AXIN1: variants seen among roughly 807,000 people sequenced by gnomAD.
AXIN1 encodes the protein axin 1, also known as axin-1.
Under a neutral mutation model 76.4 loss-of-function variants are expected in AXIN1, and 30 were observed. The ratio of observed to expected loss-of-function variants is 0.39; its 90% CI spans 0.29 to 0.53. AXIN1 has a LOEUF of 0.53. Among genes scored for constraint, AXIN1 ranks in the 20% least tolerant of loss-of-function variants. The pLI, the probability that AXIN1 is intolerant of heterozygous loss-of-function variation, is 0.66. For synonymous variants in AXIN1, 545 were observed against 501.4 expected (o/e 1.09, Z -1.16); for missense variants, 1,140 against 1,198.8 (o/e 0.95, Z 0.72).
chr16:337,837 G>A (rs1396356642), intron 2 of AXIN1, among the ~76,000 whole-genome samples: 2 of 152,272 alleles, frequency 1.3e-5, no homozygotes, highest in African/African-American at 2.4e-5. Context: ...TCAGCCGGGC[G>A]TGCGGCCTCT....
In AXIN1 at chr16:346,504, C is replaced by A. The variant is rs765934562; in HGVS notation, c.522G>T (p.Lys174Asn). The A allele has an allele frequency of 6.2e-7, 1 of 1,614,202 alleles. No homozygotes were observed. Among genetic ancestry groups the A allele is most frequent in the Non-Finnish European group, 8.5e-7 (1 of 1,180,034 alleles). Reference sequence around the variant, plus strand: ...CAAACATGGCAGGATCGATCAGCTGCTTCATGATGCAGCCCTTTATGAAGC... The same window carrying A: ...CAAACATGGCAGGATCGATCAGCTGATTCATGATGCAGCCCTTTATGAAGC... ...TKSFIKGCIM[K>N]QLIDPAMFDQ... is the part of the protein sequence containing the mutation. The change falls in exon 2 of 11, where the codon AAG becomes AAT. Residue 174 changes from lysine to asparagine, a missense_variant. Physicochemically the swap from Lys to Asn is moderately conservative, Grantham distance 94. Around this residue, in one of 3 missense-constraint regions of AXIN1, gnomAD observed 708 missense variants for 776.9 expected, o/e 0.91. Transcript: ENST00000262320.
chr16:349,011 T>C (rs1362038247), intron 1 of AXIN1, among the ~76,000 whole-genome samples: 1 of 150,848 alleles, frequency 6.6e-6, no homozygotes, highest in Non-Finnish European at 1.5e-5. Context: ...CGTGGGAGAA[T>C]GGCATGAACC....
chr16:323,438 C>CA (rs57234697), intron 2 of AXIN1, among the ~76,000 whole-genome samples: 31,891 of 77,070 alleles, frequency 0.41, 5,282 homozygotes, highest in South Asian at 0.5. Context: ...GACTCCGTCT[C>CA]AAAAAAAAAA....
chr16:296,518 C>T (rs560138260), intron 7 of AXIN1, among the ~76,000 whole-genome samples: 91 of 152,298 alleles, frequency 6.0e-4, no homozygotes, highest in Non-Finnish European at 1.0e-3. Context: ...ACACCAAGAC[C>T]GGCCCGGCGG....
At chr16:309,460 C>CAGTA (rs772496476) in intron 4 of AXIN1, among the ~76,000 whole-genome samples, 3 of 152,212 alleles carry the variant, frequency 2.0e-5, no homozygotes, top group Non-Finnish European at 4.4e-5. Context: ...GCTCCATGAC[C>CAGTA]TACTGCCCAG....
chr16:287,834 G>C lies in AXIN1; in HGVS notation c.*288C>G, dbSNP rs1024008534. The C allele has an allele frequency of 7.6e-6, 4 of 528,484 alleles. No individual in the cohort carries two copies. Among genetic ancestry groups the C allele is most frequent in the Middle Eastern group, 5.2e-4 (1 of 1,924 alleles). The allele number at this position is 528,484 out of a possible 1,614,324, so 32.7% of individuals were successfully genotyped here. A position where few individuals can be genotyped will look rare whatever the true frequency, so the allele number is the denominator to read the frequency against. ...AAGGGAGGTGCCGGGGGATGGGGGG[G>C]GGTCACCTGAAGCTGGCAGCAGGGA... is the stretch of plus-strand genomic sequence containing the variant. On this transcript the variant is annotated 3_prime_UTR_variant, in exon 11 of 11. Coordinates refer to ENST00000262320, the MANE Select transcript of AXIN1 (RefSeq NM_003502.4).
In AXIN1 at chr16:291,007, G is replaced by A. The variant is rs1472924635; in HGVS notation, c.2294+183C>T. On this transcript the variant is annotated intron_variant, in intron 9 of 10. Transcript: ENST00000262320. Reference sequence around the variant, plus strand: ...CTGGACAGTCAGCGTCTCCTTTGATGGAGACAGGAGAAGGCTCTCGGGCAG... The same window carrying A: ...CTGGACAGTCAGCGTCTCCTTTGATAGAGACAGGAGAAGGCTCTCGGGCAG... The A allele has an allele frequency of 2.1e-5, 14 of 665,522 alleles. No individual in the cohort carries two copies. In the East Asian group the frequency reaches 2.7e-4, roughly 13 times the overall value. The allele number at this position is 665,522 out of a possible 1,614,324, so 41.2% of individuals were successfully genotyped here.
chr16:309,916 C>T (rs2053129185), intron 4 of AXIN1, 57 bp downstream of exon 4: 1 of 1,563,926 alleles, frequency 6.4e-7, no homozygotes, highest in Non-Finnish European at 8.8e-7. Context: ...ACCAGTTCAC[C>T]AGGCCCACGC....
At position 293,014 on chromosome 16, in the gene AXIN1, T is replaced by C. The variant is rs1264640147; in HGVS notation, c.2186+474A>G. The stretch of plus-strand genomic sequence containing the variant: ...GTGGGCTGGACGTCCAGGACGACAC[T>C]TCTACATCTGCACGGCTTTCAGAAC... On this transcript the variant is annotated intron_variant, in intron 8 of 10. Transcript: ENST00000262320. The surrounding 1 kb of genome is among the most constrained non-coding windows in gnomAD (Gnocchi z 4.6). The C allele has an allele frequency of 1.1e-5, 2 of 180,898 alleles. No individual in the cohort carries two copies. The highest frequency in any genetic ancestry group is 2.4e-5 in the Non-Finnish European group (2 of 84,610). The allele number at this position is 180,898 out of a possible 1,614,324, so 11.2% of individuals were successfully genotyped here.
chr16:339,590 G>A (rs563203700), intron 2 of AXIN1, among the ~76,000 whole-genome samples: 22 of 151,942 alleles, frequency 1.4e-4, no homozygotes, highest in African/African-American at 5.1e-4. Flanking sequence ...GTTGGGGCAG[G>A]AGAACTGCTT....
intron 2 of AXIN1, among the ~76,000 whole-genome samples, chr16:334,231 C>A (rs1392314160): frequency 6.8e-6 from 1 of 148,004 alleles, no homozygotes; most frequent in Non-Finnish European, 1.5e-5. Flanking sequence ...AGTACCATGG[C>A]ACGCTAATTA....
intron 2 of AXIN1, among the ~76,000 whole-genome samples, chr16:322,966 G>C (rs2053491339): frequency 6.6e-6 from 1 of 152,196 alleles, no homozygotes; most frequent in South Asian, 2.1e-4. Flanking sequence ...CGGTCACCTG[G>C]CAGAGGCCAT....
rs2053992798 is a variant in AXIN1 at position 344,445 on chromosome 16, ATT to A, written c.878+1701_878+1702del. Among the ~76,000 whole-genome samples, 23 of 149,252 alleles carry A rather than the reference ATT, an allele frequency of 1.5e-4. 4 individuals are homozygous for A. Among genetic ancestry groups the A allele is most frequent in the East Asian group, 5.9e-4 (3 of 5,112 alleles). ...ACTCCATCTCAAAAAAAAAAAAAAA[ATT>A]AACCAATTAACCTACACAATCCTTT... On this transcript the variant is annotated intron_variant, in intron 2 of 10. Transcript: ENST00000262320.
At position 287,955 on chromosome 16, in the gene AXIN1, C is replaced by A; in HGVS notation, c.*167G>T. 1 of 1,163,794 alleles carries A rather than the reference C, an allele frequency of 8.6e-7. No individual in the cohort carries two copies. 72.1% of individuals were successfully genotyped at this position (1,163,794 alleles called of 1,614,324 possible). On this transcript the variant is annotated 3_prime_UTR_variant, in exon 11 of 11. Coordinates refer to ENST00000262320, the MANE Select transcript of AXIN1 (RefSeq NM_003502.4). ...GGGCAGGACAGAAGCTTGTGGACCA[C>A]TTGGAGGGACCCCCTACCTGCCTCT...
intron 3 of AXIN1, among the ~76,000 whole-genome samples, chr16:311,059 G>T (rs1367327999): frequency 6.6e-6 from 1 of 152,070 alleles, no homozygotes; most frequent in Non-Finnish European, 1.5e-5. Context: ...TTGAGACGGA[G>T]TCTTGCTCTG....
Position 287,972 on chromosome 16 carries a change from C to A in AXIN1, c.*150G>T. 2 of 1,359,528 alleles carry A rather than the reference C, an allele frequency of 1.5e-6. No homozygotes were observed. Among genetic ancestry groups the A allele is most frequent in the East Asian group, 4.6e-5 (2 of 43,508 alleles). 84.2% of individuals were successfully genotyped at this position (1,359,528 alleles called of 1,614,324 possible). ...GTGGACCACTTGGAGGGACCCCCTA[C>A]CTGCCTCTAGACACGGGTAGACCAC... On this transcript the variant is annotated 3_prime_UTR_variant, in exon 11 of 11. Transcript: ENST00000262320.
intron 9 of AXIN1, chr16:290,988 A>C: frequency 1.6e-6 from 1 of 628,888 alleles, no homozygotes; most frequent in Non-Finnish European, 2.9e-6. Context: ...CATGCTGGAC[A>C]GTCAGCGTCT....
Position 288,708 on chromosome 16 carries a change from C to T in AXIN1, c.2463-460G>A, listed in dbSNP as rs898559643. 2.6e-5 allele frequency among the ~76,000 whole-genome samples: 4 copies of T among 152,258 alleles called. No individual in the cohort carries two copies. The South Asian group carries it at 8.3e-4, about 31-fold the overall frequency. On this transcript the variant is annotated intron_variant, in intron 10 of 10. Transcript: ENST00000262320. Reference sequence around the variant, plus strand: ...GGCTCTTGGGGTCAGGCCCCCTCTGCTCACCGCCCAGTGCTCACTCGGGAG... The same window carrying T: ...GGCTCTTGGGGTCAGGCCCCCTCTGTTCACCGCCCAGTGCTCACTCGGGAG...
chr16:335,853 T>C (rs989886214), intron 2 of AXIN1, among the ~76,000 whole-genome samples: 1 of 152,248 alleles, frequency 6.6e-6, no homozygotes, highest in South Asian at 2.1e-4. Flanking sequence ...CTGAAGAATA[T>C]GGGAAGATTT....
Sources: allele counts gnomAD v4.1 joint callset (sites outside exome capture counted in the v4.1 genomes callset), GRCh38; gene constraint gnomAD v4.1.1; regional missense constraint gnomAD v4.1.1; non-coding constraint Gnocchi (gnomAD v3.1); transcripts MANE v1.5; gene names NCBI Gene and HGNC (gene_info 2026-07-23, HGNC 2026-07-21).